The following GATAD2B variants were observed in gnomAD, a reference collection of about 807,000 sequenced individuals.
The protein encoded by GATAD2B is transcriptional repressor p66-beta.
In GATAD2B, 8 loss-of-function variants were observed where a neutral mutation model predicts 64.3. The ratio of observed to expected loss-of-function variants is 0.12; its 90% CI spans 0.07 to 0.22. GATAD2B has a LOEUF of 0.22. GATAD2B is among the 10% of genes least tolerant of loss of function. The pLI, the probability that GATAD2B is intolerant of heterozygous loss-of-function variation, is 1.00. For missense variants in GATAD2B, 453 were observed against 752.0 expected (o/e 0.60, Z 4.65); for synonymous variants, 281 against 271.3 (o/e 1.04, Z -0.35).
chr1:153,919,010 A>C (rs1338743474), intron 1 of GATAD2B, among the ~76,000 whole-genome samples: 1 of 152,196 alleles, frequency 6.6e-6, no homozygotes, highest in Non-Finnish European at 1.5e-5. Flanking sequence ...AAACAGTAAG[A>C]GAATGGCTCA....
intron 1 of GATAD2B, among the ~76,000 whole-genome samples, chr1:153,847,253 T>C (rs1338413948): frequency 1.3e-5 from 2 of 152,170 alleles, no homozygotes; most frequent in African/African-American, 2.4e-5. Context: ...AGGTCTGACC[T>C]ACTGTGCCTG....
chr1:153,818,978 T>C, intron 3 of GATAD2B, 56 bp from the exon 4 acceptor site: 1 of 1,564,036 alleles, frequency 6.4e-7, no homozygotes, highest in South Asian at 1.1e-5. Flanking sequence ...AATTCCTTCC[T>C]GCAAGAGACA....
At position 153,809,953 on chromosome 1, in the gene GATAD2B, C is replaced by T; in HGVS notation, c.*224G>A. ...GTTAAAGAAAACTGAAGAGAGAAGACAGAGCGGCAGAAGAACAGATCGCAG... is the reference window on the plus strand; with the variant it reads ...GTTAAAGAAAACTGAAGAGAGAAGATAGAGCGGCAGAAGAACAGATCGCAG... On this transcript the variant is annotated 3_prime_UTR_variant, in exon 11 of 11. Transcript: ENST00000368655. The T allele has an allele frequency of 2.2e-6, 1 of 456,164 alleles. No individual in the cohort carries two copies. The highest frequency in any genetic ancestry group is 3.9e-6 in the Non-Finnish European group (1 of 258,862). The allele number at this position is 456,164 out of a possible 1,614,324, so 28.3% of individuals were successfully genotyped here. A position where few individuals can be genotyped will look rare whatever the true frequency, so the allele number is the denominator to read the frequency against.
chr1:153,822,967 T>C (rs1333131427), intron 2 of GATAD2B, among the ~76,000 whole-genome samples: 1 of 152,094 alleles, frequency 6.6e-6, no homozygotes, highest in Admixed American at 6.6e-5. Context: ...AAATTTTTTG[T>C]AGAGAAGGGG....
intron 1 of GATAD2B, among the ~76,000 whole-genome samples, chr1:153,855,335 T>C (rs1676046260): frequency 6.6e-6 from 1 of 152,094 alleles, no homozygotes; most frequent in Non-Finnish European, 1.5e-5. Flanking sequence ...CTCAAGTGAT[T>C]CTCTCACCTC....
chr1:153,833,385 G>A (rs1675145317), intron 1 of GATAD2B, among the ~76,000 whole-genome samples: 2 of 152,118 alleles, frequency 1.3e-5, no homozygotes, highest in South Asian at 4.1e-4. Flanking sequence ...AAATATTACT[G>A]CTCATTGACA....
intron 1 of GATAD2B, among the ~76,000 whole-genome samples, chr1:153,917,404 T>A (rs1437421619): frequency 6.7e-6 from 1 of 149,404 alleles, no homozygotes; most frequent in African/African-American, 2.5e-5. Context: ...CATATCTTTT[T>A]TTTTTTTTGA....
intron 7 of GATAD2B, among the ~76,000 whole-genome samples, chr1:153,813,927 G>C (rs1174550580): frequency 6.6e-6 from 1 of 152,220 alleles, no homozygotes; most frequent in African/African-American, 2.4e-5. Flanking sequence ...GCAGTGAGCC[G>C]AAATTGTGCC....
intron 1 of GATAD2B, among the ~76,000 whole-genome samples, chr1:153,867,645 A>T (rs1002740580): frequency 1.3e-5 from 2 of 151,962 alleles, no homozygotes; most frequent in African/African-American, 4.8e-5. Context: ...GGATCACCTG[A>T]GGTCAGGAGT....
intron 7 of GATAD2B, among the ~76,000 whole-genome samples, chr1:153,814,725 C>T (rs1482429881): frequency 6.6e-6 from 1 of 152,250 alleles, no homozygotes; most frequent in East Asian, 1.9e-4. Context: ...CCTGTAACCA[C>T]AGCACTTTGG....
intron 1 of GATAD2B, among the ~76,000 whole-genome samples, chr1:153,845,650 G>A (rs188143116): frequency 1.4e-5 from 2 of 138,484 alleles, no homozygotes; most frequent in Non-Finnish European, 3.1e-5. Flanking sequence ...GCGGGGGGCT[G>A]CAAGGGGGGG....
intron 1 of GATAD2B, among the ~76,000 whole-genome samples, chr1:153,893,912 C>A (rs907072329): frequency 1.5e-5 from 2 of 136,292 alleles, no homozygotes; most frequent in Non-Finnish European, 3.1e-5. Context: ...GAGCCGAGAT[C>A]GCACCACTGC....
chr1:153,806,755 T>C lies in GATAD2B; in HGVS notation c.*3422A>G, dbSNP rs1215673505. On this transcript the variant is annotated 3_prime_UTR_variant, in exon 11 of 11. Coordinates refer to ENST00000368655, the MANE Select transcript of GATAD2B (RefSeq NM_020699.4). ...GGTCTTGATGGAAAGGATGGGAGCC[T>C]AGGACGGGGGTGGGGGTAGGGGGTG... 6.8e-6 allele frequency: 1 copy of C among 147,996 alleles called. No individual in the cohort carries two copies. The highest frequency in any genetic ancestry group is 1.5e-5 in the Non-Finnish European group (1 of 67,122). The allele number at this position is 147,996 out of a possible 1,614,324, so 9.2% of individuals were successfully genotyped here.
chr1:153,902,756 G>A (rs1347656631), intron 1 of GATAD2B, among the ~76,000 whole-genome samples: 3 of 152,114 alleles, frequency 2.0e-5, no homozygotes, highest in African/African-American at 7.2e-5. Context: ...AAGCCCAGCT[G>A]CAGTCTTTTA....
At chr1:153,861,490 T>G (rs1040067780) in intron 1 of GATAD2B, among the ~76,000 whole-genome samples, 1 of 151,326 alleles carries the variant, frequency 6.6e-6, no homozygotes. Flanking sequence ...CATTAAGTTA[T>G]ATATTTAAAA....
chr1:153,914,001 C>A (rs998472920), intron 1 of GATAD2B, among the ~76,000 whole-genome samples: 2 of 148,626 alleles, frequency 1.3e-5, no homozygotes, highest in African/African-American at 5.0e-5. Context: ...TCCCATCACT[C>A]TGGGAGGCCA....
At chr1:153,893,251 C>T (rs1196501085) in intron 1 of GATAD2B, among the ~76,000 whole-genome samples, 2 of 152,042 alleles carry the variant, frequency 1.3e-5, no homozygotes, top group South Asian at 2.1e-4. Context: ...ACTGTTGTTA[C>T]GAGGATTTGG....
intron 1 of GATAD2B, 115 bp from the exon 2 acceptor site, chr1:153,828,463 C>CACACAT (rs1285845787): frequency 2.3e-5 from 5 of 219,432 alleles, no homozygotes; most frequent in East Asian, 1.5e-4. Context: ...CATACACACA[C>CACACAT]ACACACACAC....
intron 1 of GATAD2B, chr1:153,853,164 A>C (rs1012800852): frequency 7.3e-7 from 1 of 1,366,734 alleles, no homozygotes; most frequent in Non-Finnish European, 1.0e-6. Context: ...CCCCTTACAG[A>C]CACGGATATT....
Sources: gnomAD v4.1 joint callset for allele counts (sites outside exome capture counted in the v4.1 genomes callset) on GRCh38, gnomAD v4.1.1 for gene constraint, MANE v1.5 for transcripts, NCBI Gene and HGNC (gene_info 2026-07-23, HGNC 2026-07-21) for gene names.